COL23A1: variants seen among roughly 807,000 people sequenced by gnomAD.
COL23A1 encodes the protein collagen alpha-1(XXIII) chain.
A neutral mutation model predicts 99.3 loss-of-function variants in COL23A1; 97 were observed. The observed-to-expected ratio is 0.98, with a 90% confidence interval of 0.83 to 1.16. The LOEUF is 1.16. Ranked by LOEUF, COL23A1 falls within the 50% of genes most tolerant of loss-of-function variation. COL23A1 has a pLI of 0.00. For missense variants in COL23A1, 762 were observed against 757.4 expected, an observed-to-expected ratio of 1.01 and a Z score of -0.07; for synonymous variants, 320 against 308.2, an observed-to-expected ratio of 1.04 and a Z score of -0.40.
chr5:178,533,990 C>T (rs1760796285), intron 2 of COL23A1, among the ~76,000 whole-genome samples: 1 of 152,202 alleles, frequency 6.6e-6, no homozygotes, highest in South Asian at 2.1e-4. Flanking sequence ...CTCTCTCTCT[C>T]CTTCCTTCAA....
chr5:178,381,823 A>G (rs1289854390), intron 2 of COL23A1, among the ~76,000 whole-genome samples: 1 of 151,968 alleles, frequency 6.6e-6, no homozygotes, highest in Non-Finnish European at 1.5e-5. Flanking sequence ...CTGTGTAGAG[A>G]TGGGATTTCC....
intron 1 of COL23A1, among the ~76,000 whole-genome samples, chr5:178,580,634 G>A (rs531481465): frequency 7.2e-5 from 11 of 152,204 alleles, no homozygotes; most frequent in Non-Finnish European, 1.6e-4. Context: ...GGCCTCTGGA[G>A]AATCTTCCCA....
intron 2 of COL23A1, among the ~76,000 whole-genome samples, chr5:178,324,192 C>T (rs966551208): frequency 1.3e-5 from 2 of 152,020 alleles, no homozygotes; most frequent in African/African-American, 4.8e-5. Context: ...GGGTGCTTGG[C>T]CCCACCCCCG....
rs367557235 is a variant in COL23A1 at position 178,401,972 on chromosome 5, C to T, written c.362-95053G>A. Among the ~76,000 whole-genome samples, 33 of 152,230 alleles carry T rather than the reference C, an allele frequency of 2.2e-4. 2 individuals are homozygous for T. In the South Asian group the frequency reaches 5.2e-3, roughly 24 times the overall value. ...CTGGGATTACAGGCGCCTGCCACCA[C>T]GCTCGGCTAATTTTTGTATTTTTAG... is the stretch of plus-strand genomic sequence containing the variant. On this transcript the variant is annotated intron_variant, in intron 2 of 28. Coordinates refer to ENST00000390654, the MANE Select transcript of COL23A1 (RefSeq NM_173465.4).
At chr5:178,507,377 C>T (rs1758934495) in intron 2 of COL23A1, among the ~76,000 whole-genome samples, 1 of 152,178 alleles carries the variant, frequency 6.6e-6, no homozygotes, top group Non-Finnish European at 1.5e-5. Context: ...GTCCTGTTCA[C>T]GTGTAAGTTC....
chr5:178,309,458 G>A lies in COL23A1; in HGVS notation c.362-2539C>T, dbSNP rs1758549742. Among the ~76,000 whole-genome samples the A allele has an allele frequency of 6.6e-6, 1 of 152,114 alleles. No individual in the cohort carries two copies. The highest frequency in any genetic ancestry group is 1.9e-4 in the East Asian group (1 of 5,186). Reference sequence around the variant, plus strand: ...TAGGGCCCTCGTGGAGGGAGAGAATGAAGCTGGTCATGCACACTCCTGAGG... The same window carrying A: ...TAGGGCCCTCGTGGAGGGAGAGAATAAAGCTGGTCATGCACACTCCTGAGG... On this transcript the variant is annotated intron_variant, in intron 2 of 28. Transcript: ENST00000390654. This position sits in a 1 kb window ranked among gnomAD's most constrained non-coding sequence, Gnocchi z 4.7.
chr5:178,566,188 G>T (rs1407640849), intron 1 of COL23A1, among the ~76,000 whole-genome samples: 1 of 152,042 alleles, frequency 6.6e-6, no homozygotes, highest in Admixed American at 6.6e-5. Context: ...ACATAACTCA[G>T]ATAGAAACCA....
In COL23A1 at chr5:178,281,359, C is replaced by T. The variant is rs990292173; in HGVS notation, c.441+6965G>A. On this transcript the variant is annotated intron_variant, in intron 5 of 28. Coordinates refer to ENST00000390654, the MANE Select transcript of COL23A1 (RefSeq NM_173465.4). This position sits in a 1 kb window ranked among gnomAD's most constrained non-coding sequence, Gnocchi z 4.0. ...CTTGATTAATTCCAAACCGTCCATC[C>T]GAGTCCTTCATTTCAAAATTGGTCC... is the stretch of plus-strand genomic sequence containing the variant. 7.2e-5 allele frequency among the ~76,000 whole-genome samples: 11 copies of T among 152,166 alleles called. No homozygotes were observed. In the East Asian group the frequency reaches 9.6e-4, roughly 13 times the overall value.
chr5:178,246,063 TG>T (rs1764676464), intron 24 of COL23A1, 95 bp from the exon 25 acceptor site: 1 of 1,477,194 alleles, frequency 6.8e-7, no homozygotes. Flanking sequence ...GCCACAGACA[TG>T]GGGGCAAGGA....
At chr5:178,277,937 G>A (rs1353444492) in intron 5 of COL23A1, among the ~76,000 whole-genome samples, 2 of 152,178 alleles carry the variant, frequency 1.3e-5, no homozygotes, top group East Asian at 3.8e-4. Context: ...TGGGACCGGC[G>A]GGCCGGGATG....
At chr5:178,495,642 G>T in intron 2 of COL23A1, among the ~76,000 whole-genome samples, 1 of 152,082 alleles carries the variant, frequency 6.6e-6, no homozygotes, top group Non-Finnish European at 1.5e-5. Context: ...CCATAGGGAT[G>T]GAAGAAGCTG....
chr5:178,450,826 GC>G (rs1309823173), intron 2 of COL23A1, among the ~76,000 whole-genome samples: 1 of 152,172 alleles, frequency 6.6e-6, no homozygotes, highest in Non-Finnish European at 1.5e-5. Context: ...AGAAACCAAG[GC>G]CCAAGAAAGT....
rs139417267 is a variant in COL23A1 at position 178,391,984 on chromosome 5, C to T, written c.362-85065G>A. 6.0e-3 allele frequency among the ~76,000 whole-genome samples: 917 copies of T among 152,112 alleles called. 5 individuals carry two copies. Among genetic ancestry groups the T allele is most frequent in the African/African-American group, 0.02 (827 of 41,478 alleles). ...GAAAGAAGCCAGACACAGAAAGTCA[C>T]GTATTATATGATCCTATTTATATGA... On this transcript the variant is annotated intron_variant, in intron 2 of 28. Transcript: ENST00000390654.
At chr5:178,498,847 T>C (rs976819157) in intron 2 of COL23A1, among the ~76,000 whole-genome samples, 5 of 151,986 alleles carry the variant, frequency 3.3e-5, no homozygotes, top group African/African-American at 9.7e-5. Flanking sequence ...TCCAGCACTT[T>C]GGGAGGCTGA....
Position 178,366,713 on chromosome 5 carries a change from C to A in COL23A1, c.362-59794G>T, listed in dbSNP as rs575054882. Among the ~76,000 whole-genome samples the A allele has an allele frequency of 1.4e-4, 21 of 152,324 alleles. No individual in the cohort carries two copies. The highest frequency in any genetic ancestry group is 2.6e-4 in the Non-Finnish European group (18 of 68,042). The stretch of plus-strand genomic sequence containing the variant: ...CGGTGGTGCAGCCACACTGAGCATC[C>A]CAAACCTCGCCGGAAGCACGTTCCT... On this transcript the variant is annotated intron_variant, in intron 2 of 28. Coordinates refer to ENST00000390654, the MANE Select transcript of COL23A1 (RefSeq NM_173465.4). The surrounding 1 kb of genome is among the most constrained non-coding windows in gnomAD (Gnocchi z 4.4).
intron 5 of COL23A1, among the ~76,000 whole-genome samples, chr5:178,275,323 T>C (rs922038318): frequency 6.6e-6 from 1 of 152,204 alleles, no homozygotes; most frequent in Non-Finnish European, 1.5e-5. Context: ...GAGCGACCCG[T>C]GTGTGGCCTT....
intron 4 of COL23A1, among the ~76,000 whole-genome samples, chr5:178,289,788 T>C (rs1450356983): frequency 2.0e-5 from 3 of 152,234 alleles, no homozygotes; most frequent in Non-Finnish European, 4.4e-5. Flanking sequence ...GCTTGTGCGC[T>C]GGCTCTCTTG....
Position 178,428,614 on chromosome 5 carries a change from C to G in COL23A1, c.362-121695G>C, listed in dbSNP as rs1202734874. On this transcript the variant is annotated intron_variant, in intron 2 of 28. Transcript: ENST00000390654. This position sits in a 1 kb window ranked among gnomAD's most constrained non-coding sequence, Gnocchi z 5.0. Reference sequence around the variant, plus strand: ...GGCCCAGGCCTTTTTAGCCCCCGAGCCAGGATGGCAGCCTCTTCTCCTGAC... The same window carrying G: ...GGCCCAGGCCTTTTTAGCCCCCGAGGCAGGATGGCAGCCTCTTCTCCTGAC... Among the ~76,000 whole-genome samples, 1 of 152,234 alleles carries G rather than the reference C, an allele frequency of 6.6e-6. No individual in the cohort carries two copies. Among genetic ancestry groups the G allele is most frequent in the East Asian group, 1.9e-4 (1 of 5,196 alleles).
chr5:178,354,196 C>T (rs998228679), intron 2 of COL23A1, among the ~76,000 whole-genome samples: 3 of 151,848 alleles, frequency 2.0e-5, no homozygotes, highest in Non-Finnish European at 4.4e-5. Context: ...GTATAATTGG[C>T]AAATAAAAAT....
Sources: gnomAD v4.1 joint callset for allele counts (sites outside exome capture counted in the v4.1 genomes callset) on GRCh38, gnomAD v4.1.1 for gene constraint, Gnocchi (gnomAD v3.1) non-coding constraint, MANE v1.5 for transcripts, NCBI Gene and HGNC (gene_info 2026-07-23, HGNC 2026-07-21) for gene names.